MICALL2: variants seen among roughly 807,000 people sequenced by gnomAD.
MICALL2 encodes MICAL like 2.
A neutral mutation model predicts 91.1 loss-of-function variants in MICALL2; 111 were observed. That is an observed-to-expected ratio of 1.22 (90% confidence interval 1.04 to 1.43). The LOEUF (loss-of-function observed/expected upper bound fraction) is 1.43. MICALL2 is among the 40% of genes most tolerant of loss of function. The pLI is 0.00. For missense variants in MICALL2, 1,556 were observed against 1,236.0 expected, an observed-to-expected ratio of 1.26 and a Z score of -3.88; for synonymous variants, 694 against 525.3, an observed-to-expected ratio of 1.32 and a Z score of -4.39.
chr7:1,442,022 G>T, intron 7 of MICALL2, 170 bp downstream of exon 7: 1 of 765,670 alleles, frequency 1.3e-6, no homozygotes, highest in Non-Finnish European at 2.1e-6. Flanking sequence ...CACAGAGAGC[G>T]CACCAGGACC....
chr7:1,443,513 G>C (rs139137404), intron 6 of MICALL2, among the ~76,000 whole-genome samples: 3 of 152,236 alleles, frequency 2.0e-5, no homozygotes, highest in Non-Finnish European at 2.9e-5. Flanking sequence ...CCACTGGGAA[G>C]CTCAGAGTGT....
Position 1,439,009 on chromosome 7 carries a change from G to A in MICALL2, c.1967-14C>T. On this transcript the variant is annotated splice_polypyrimidine_tract_variant and intron_variant, in intron 9 of 16. Transcript: ENST00000297508. ...AGGGGGACCTGGCTGCCCCCAGGTG[G>A]GGAGACAGAGCCACGCTTCAGAGCA... 1.9e-6 allele frequency: 3 copies of A among 1,581,016 alleles called. No homozygotes were observed. Among genetic ancestry groups the A allele is most frequent in the Non-Finnish European group, 2.6e-6 (3 of 1,166,702 alleles).
rs1562447096 is a variant in MICALL2 at position 1,437,996 on chromosome 7, A to T, written c.2312-16T>A. ...TCAGCGTCATCTGGGGAGAGGAGCC[A>T]GCTGGGGCAGGGGGGCCCGCCAGAG... On this transcript the variant is annotated splice_polypyrimidine_tract_variant and intron_variant, in intron 12 of 16. Coordinates refer to ENST00000297508, the MANE Select transcript of MICALL2 (RefSeq NM_182924.4). The T allele has an allele frequency of 6.4e-7, 1 of 1,550,960 alleles. No homozygotes were observed. Among genetic ancestry groups the T allele is most frequent in the Non-Finnish European group, 8.7e-7 (1 of 1,147,828 alleles).
In MICALL2 at chr7:1,459,206, G is replaced by C. The variant is rs772359527; in HGVS notation, c.121C>G (p.His41Asp). The stretch of plus-strand genomic sequence containing the variant: ...TACATGAGGTCGGGCCGGTGGCGGT[G>C]CAGGATGGCGCAGAAAGCCAGGCCG... ...RDGLAFCAIL[H>D]RHRPDLINFS... is the part of the protein sequence containing the mutation. The change falls in exon 1 of 17, where the codon CAC (histidine) becomes GAC (aspartate). Residue 41 changes from histidine to aspartate, a missense_variant. Physicochemically the swap from His to Asp is moderately conservative, Grantham distance 81. Transcript: ENST00000297508. 6.2e-7 allele frequency: 1 copy of C among 1,610,430 alleles called. No individual in the cohort carries two copies. Among genetic ancestry groups the C allele is most frequent in the Admixed American group, 1.7e-5 (1 of 59,728 alleles).
chr7:1,439,591 G>T (rs1035236778), intron 9 of MICALL2: 6 of 261,614 alleles, frequency 2.3e-5, no homozygotes, highest in East Asian at 1.3e-4. Context: ...ATGTACACAT[G>T]AATACACATG....
rs760890891 is a variant in MICALL2 at position 1,439,904 on chromosome 7, CT to C, written c.1966+20del. 95 of 1,419,750 alleles carry C rather than the reference CT, an allele frequency of 6.7e-5. No homozygotes were observed. The highest frequency in any genetic ancestry group is 8.6e-5 in the Non-Finnish European group (94 of 1,089,668). 87.9% of individuals were successfully genotyped at this position (1,419,750 alleles called of 1,614,324 possible). A position where few individuals can be genotyped will look rare whatever the true frequency, so the allele number is the denominator to read the frequency against. ...GGCCAGCTAGGCAACCCGGGGGCCCCTGGGTCCCGTCCAGGAGTACCTGGGA... is the reference window on the plus strand; with the variant it reads ...GGCCAGCTAGGCAACCCGGGGGCCCCGGGTCCCGTCCAGGAGTACCTGGGA... On this transcript the variant is annotated intron_variant, in intron 9 of 16. Transcript: ENST00000297508.
chr7:1,448,731 T>G lies in MICALL2; in HGVS notation c.223A>C (p.Ile75Leu). 6.2e-7 allele frequency: 1 copy of G among 1,612,752 alleles called. No homozygotes were observed. Among genetic ancestry groups the G allele is most frequent in the Non-Finnish European group, 8.5e-7 (1 of 1,179,914 alleles). The change falls in exon 3 of 17, where the codon ATC becomes CTC. Residue 75 changes from isoleucine (I) to leucine (L), a missense_variant. Coordinates refer to ENST00000297508, the MANE Select transcript of MICALL2 (RefSeq NM_182924.4). The stretch of plus-strand genomic sequence containing the variant: ...TCCTCGGCATCCAGCAAGGCTGGGA[T>G]GCCCAAGTGCTCCTCGGCCACGCGG... ...AFRVAEEHLGIPALLDAEDMV... is the reference protein window; with the variant it reads ...AFRVAEEHLGLPALLDAEDMV...
At chr7:1,434,924 C>G in intron 16 of MICALL2, 177 bp downstream of exon 16, 2 of 767,684 alleles carry the variant, frequency 2.6e-6, no homozygotes, top group Non-Finnish European at 4.2e-6. Context: ...GGAGGGAGCT[C>G]TCACCCTCAG....
chr7:1,447,587 C>A lies in MICALL2; in HGVS notation c.513G>T (p.Pro171=). 2 of 1,566,062 alleles carry A rather than the reference C, an allele frequency of 1.3e-6. No individual in the cohort carries two copies. Among genetic ancestry groups the A allele is most frequent in the South Asian group, 1.2e-5 (1 of 84,254 alleles). ...GGTGGGAGCTTACAGTCTTGGGGGG[C>A]GGGCCCCCTGCACCCTCATTCCTCC... ...VQRRNEGAGG[P]PPKTDQALAG... The change falls in exon 4 of 17, where the codon CCG becomes CCT. Residue 171 remains proline (P), a synonymous_variant. Transcript: ENST00000297508.
chr7:1,439,324 A>T, intron 9 of MICALL2: 1 of 312,444 alleles, frequency 3.2e-6, no homozygotes, highest in Non-Finnish European at 6.0e-6. Context: ...ACACACGAAC[A>T]CGGGTGCACA....
chr7:1,435,372 G>A (rs1584191149), intron 15 of MICALL2, among the ~76,000 whole-genome samples: 1 of 150,224 alleles, frequency 6.7e-6, no homozygotes, highest in East Asian at 2.0e-4. Flanking sequence ...TGGTACAGGA[G>A]GGCCCTGGGC....
rs1363237509 is a variant in MICALL2 at position 1,445,411 on chromosome 7, C to T, written c.659G>A (p.Cys220Tyr). 1.3e-6 allele frequency: 2 copies of T among 1,551,464 alleles called. No individual in the cohort carries two copies. The highest frequency in any genetic ancestry group is 1.2e-5 in the South Asian group (1 of 85,816). The change falls in exon 6 of 17, where the codon TGC becomes TAC. Residue 220 changes from cysteine (C) to tyrosine (Y), a missense_variant. Coordinates refer to ENST00000297508, the MANE Select transcript of MICALL2 (RefSeq NM_182924.4). ...RSCFRCKQCS[C>Y]TLHSGAYKAT... The stretch of plus-strand genomic sequence containing the variant: ...CTTGTAGGCCCCCGAGTGCAGCGTG[C>T]AGGAGCACTGCTTACACCTGGGGGA...
intron 5 of MICALL2, 186 bp downstream of exon 5, chr7:1,446,527 G>C: frequency 1.8e-6 from 1 of 554,074 alleles, no homozygotes. Context: ...AGAGGGAGAA[G>C]GGGAGGAGAG....
intron 1 of MICALL2, 117 bp downstream of exon 1, chr7:1,459,067 C>T (rs1781118849): frequency 2.8e-6 from 3 of 1,068,262 alleles, no homozygotes; most frequent in South Asian, 3.2e-5. Context: ...TGGGCTGTGC[C>T]TGCCCAGTCC....
At position 1,447,661 on chromosome 7, in the gene MICALL2, C is replaced by T. The variant is rs1177049852; in HGVS notation, c.439G>A (p.Ala147Thr). The change falls in exon 4 of 17, where the codon GCC becomes ACC. Residue 147 changes from alanine to threonine, a missense_variant. By Grantham distance (58) the Ala-to-Thr change is moderately conservative. Transcript: ENST00000297508. ...GCTGGAGATAGTGGAGGCTTCCGGGCTGGGGCGGGCGAGGGCAGCTTGGCC... is the reference window on the plus strand; with the variant it reads ...GCTGGAGATAGTGGAGGCTTCCGGGTTGGGGCGGGCGAGGGCAGCTTGGCC... ...QAAKLPSPAPARKPPLSPAQT... is the reference protein window; with the variant it reads ...QAAKLPSPAPTRKPPLSPAQT... 1 of 1,589,180 alleles carries T rather than the reference C, an allele frequency of 6.3e-7. No individual in the cohort carries two copies. Among genetic ancestry groups the T allele is most frequent in the South Asian group, 1.1e-5 (1 of 87,070 alleles).
In MICALL2 at chr7:1,434,880, C is replaced by A. The variant is rs777277367; in HGVS notation, c.2639-208G>T. 41 of 707,692 alleles carry A rather than the reference C, an allele frequency of 5.8e-5. No individual in the cohort carries two copies. The Admixed American group carries it at 6.5e-4, about 11-fold the overall frequency. 43.8% of individuals were successfully genotyped at this position (707,692 alleles called of 1,614,324 possible). A position where few individuals can be genotyped will look rare whatever the true frequency, so the allele number is the denominator to read the frequency against. On this transcript the variant is annotated intron_variant, in intron 16 of 16. Coordinates refer to ENST00000297508, the MANE Select transcript of MICALL2 (RefSeq NM_182924.4). Reference sequence around the variant, plus strand: ...AGGGCTGGTCCCCACCATGACCACACGGTCACCAGCTGCCCCTGGCTCTCT... The same window carrying A: ...AGGGCTGGTCCCCACCATGACCACAAGGTCACCAGCTGCCCCTGGCTCTCT...
chr7:1,435,402 GGACAGAAGGGCC>G (rs1384799110), intron 15 of MICALL2, among the ~76,000 whole-genome samples: 2 of 151,964 alleles, frequency 1.3e-5, no homozygotes, highest in South Asian at 2.1e-4. Context: ...AGGTGACCTG[GGACAGAAGGGCC>G]TGGGCCGACC....
At chr7:1,456,113 G>T (rs920508392) in intron 1 of MICALL2, among the ~76,000 whole-genome samples, 2 of 151,942 alleles carry the variant, frequency 1.3e-5, no homozygotes, top group Non-Finnish European at 2.9e-5. Context: ...TGAAGGCACA[G>T]AGGCAGGCAC....
chr7:1,434,947 T>C (rs1309837200), intron 16 of MICALL2, 154 bp downstream of exon 16: 3 of 872,330 alleles, frequency 3.4e-6, no homozygotes, highest in Non-Finnish European at 5.4e-6. Context: ...TGAACCTGCC[T>C]GTCCTGTCAC....
Sources: gnomAD v4.1 joint callset for allele counts (sites outside exome capture counted in the v4.1 genomes callset) on GRCh38, gnomAD v4.1.1 for gene constraint, MANE v1.5 for transcripts, NCBI Gene and HGNC (gene_info 2026-07-23, HGNC 2026-07-21) for gene names.